Variants in TMEM120A observed in about 807,000 individuals in gnomAD.
The protein encoded by TMEM120A is ion channel TACAN.
Under a neutral mutation model 54.3 loss-of-function variants are expected in TMEM120A, and 45 were observed. That is an observed-to-expected ratio of 0.83 (90% CI 0.65 to 1.06). The LOEUF is 1.06. Ranked by LOEUF, TMEM120A falls within the 50% of genes least tolerant of loss-of-function variation. TMEM120A has a pLI of 0.00. For synonymous variants in TMEM120A, 204 were observed against 178.5 expected (o/e 1.14, Z -1.14); for missense variants, 424 against 441.7 (o/e 0.96, Z 0.36).
In TMEM120A at chr7:75,989,242, G is replaced by T; in HGVS notation, c.318-18C>A. ...GGTACAATCTAGGGAAGGGGGTGGC[G>T]GGGTGAGGAGAAGCCCGAGTGACAG... On this transcript the variant is annotated intron_variant, in intron 3 of 11. Coordinates refer to ENST00000493111, the MANE Select transcript of TMEM120A (RefSeq NM_031925.3). 1 of 1,540,446 alleles carries T rather than the reference G, an allele frequency of 6.5e-7. No homozygotes were observed. Among genetic ancestry groups the T allele is most frequent in the South Asian group, 1.2e-5 (1 of 84,374 alleles).
chr7:75,990,824 C>T (rs987967106), intron 3 of TMEM120A, among the ~76,000 whole-genome samples: 2 of 146,818 alleles, frequency 1.4e-5, no homozygotes, highest in African/African-American at 2.5e-5. Context: ...GCTTGAACCA[C>T]GGAGACAGAG....
rs2116645256 is a variant in TMEM120A, at chr7:75,987,068, T to C, written c.*104A>G. 2.0e-6 allele frequency: 2 copies of C among 976,290 alleles called. No individual in the cohort carries two copies. The highest frequency in any genetic ancestry group is 1.6e-6 in the Non-Finnish European group (1 of 640,390). 60.5% of individuals were successfully genotyped at this position (976,290 alleles called of 1,614,324 possible). A position where few individuals can be genotyped will look rare whatever the true frequency, so the allele number is the denominator to read the frequency against. ...AGCGCCCATAAAACCCAAGGGAGAA[T>C]AGAAGAGACCCCCTGATACACGCAC... On this transcript the variant is annotated 3_prime_UTR_variant, in exon 12 of 12. Coordinates refer to ENST00000493111, the MANE Select transcript of TMEM120A (RefSeq NM_031925.3).
In TMEM120A at chr7:75,988,523, G is replaced by A. The variant is rs1554560809; in HGVS notation, c.378-7C>T. ...CTCGTCCTTGTAGGCAAACCTGGGG[G>A]GCGCAGGCCGGTGAGACGGGTGGGG... is the stretch of plus-strand genomic sequence containing the variant. On this transcript the variant is annotated splice_polypyrimidine_tract_variant and splice_region_variant and intron_variant, in intron 4 of 11. Transcript: ENST00000493111. 4.4e-6 allele frequency: 7 copies of A among 1,600,396 alleles called. No individual in the cohort carries two copies. The highest frequency in any genetic ancestry group is 4.5e-5 in the East Asian group (2 of 44,394).
At chr7:75,994,216 G>A (rs547478475) in intron 1 of TMEM120A, among the ~76,000 whole-genome samples, 1 of 152,346 alleles carries the variant, frequency 6.6e-6, no homozygotes, top group South Asian at 2.1e-4. Flanking sequence ...GCTCTCTTCT[G>A]GGAAGGGACG....
intron 3 of TMEM120A, among the ~76,000 whole-genome samples, chr7:75,991,212 T>G (rs775391257): frequency 1.3e-5 from 2 of 152,018 alleles, no homozygotes; most frequent in Non-Finnish European, 2.9e-5. Context: ...TGCTGGCCTT[T>G]CCAGGTGCAC....
Position 75,991,560 on chromosome 7 carries a change from A to G in TMEM120A, c.317+584T>C, listed in dbSNP as rs566243292. On this transcript the variant is annotated intron_variant, in intron 3 of 11. Coordinates refer to ENST00000493111, the MANE Select transcript of TMEM120A (RefSeq NM_031925.3). ...AGCTGGGATTACAGGTGCATGCCACAATGCCCGGCTAATTTTTGTATTTTT... is the reference window on the plus strand; with the variant it reads ...AGCTGGGATTACAGGTGCATGCCACGATGCCCGGCTAATTTTTGTATTTTT... 3.3e-5 allele frequency among the ~76,000 whole-genome samples: 5 copies of G among 152,074 alleles called. No homozygotes were observed. In the South Asian group the frequency reaches 1.0e-3, roughly 32 times the overall value.
chr7:75,991,901 C>T (rs368634755), intron 3 of TMEM120A, among the ~76,000 whole-genome samples: 3 of 152,162 alleles, frequency 2.0e-5, no homozygotes, highest in African/African-American at 7.2e-5. Context: ...AAGCCTTCTG[C>T]GACCTCCTGG....
chr7:75,992,446 G>A lies in TMEM120A; in HGVS notation c.193C>T (p.Leu65=). The A allele has an allele frequency of 6.3e-7, 1 of 1,593,030 alleles. No homozygotes were observed. The highest frequency in any genetic ancestry group is 1.8e-5 in the Admixed American group (1 of 56,356). The change falls in exon 2 of 12, where the codon CTG becomes TTG. Residue 65 remains leucine, a synonymous_variant. Transcript: ENST00000493111. Reference sequence around the variant, plus strand: ...GGGGTAGGGGATCCTAACTTCTTCAGGGCGAGGGCCAGCTCCTGGAGCCGC... The same window carrying A: ...GGGGTAGGGGATCCTAACTTCTTCAAGGCGAGGGCCAGCTCCTGGAGCCGC... ...KKRLQELALA[L]KKCKPSLPAE...
chr7:75,988,364 G>A, intron 5 of TMEM120A, 23 bp from the exon 6 acceptor site: 1 of 1,512,032 alleles, frequency 6.6e-7, no homozygotes, highest in Non-Finnish European at 9.0e-7. Context: ...GGGACCGAGG[G>A]TTGGTACTGC....
At chr7:75,993,251 C>A (rs1789918501) in intron 1 of TMEM120A, among the ~76,000 whole-genome samples, 2 of 152,224 alleles carry the variant, frequency 1.3e-5, no homozygotes, top group African/African-American at 2.4e-5. Context: ...CCTCTCAGCT[C>A]CTCCTGCCTA....
At chr7:75,994,097 C>T (rs979442678) in intron 1 of TMEM120A, among the ~76,000 whole-genome samples, 9 of 152,142 alleles carry the variant, frequency 5.9e-5, no homozygotes, top group Admixed American at 1.3e-4. Flanking sequence ...GAGGACACCC[C>T]CCTAAACGCT....
intron 3 of TMEM120A, among the ~76,000 whole-genome samples, chr7:75,989,737 C>T (rs896405600): frequency 6.6e-6 from 1 of 152,070 alleles, no homozygotes; most frequent in African/African-American, 2.4e-5. Context: ...CTCAGCCTCC[C>T]GGGGCGTTTC....
chr7:75,993,555 G>A (rs1390416418), intron 1 of TMEM120A, among the ~76,000 whole-genome samples: 1 of 152,244 alleles, frequency 6.6e-6, no homozygotes, highest in Non-Finnish European at 1.5e-5. Flanking sequence ...AGTCTCTGGG[G>A]AGAAGCACCA....
Position 75,987,409 on chromosome 7 carries a change from G to A in TMEM120A, c.869C>T (p.Ala290Val), listed in dbSNP as rs368599599. 6.6e-5 allele frequency: 103 copies of A among 1,563,382 alleles called. No individual in the cohort carries two copies. Among genetic ancestry groups the A allele is most frequent in the Non-Finnish European group, 8.1e-5 (93 of 1,154,118 alleles). The change falls in exon 11 of 12, where the codon GCG becomes GTG. Residue 290 changes from alanine (A) to valine (V), a missense_variant. Coordinates refer to ENST00000493111, the MANE Select transcript of TMEM120A (RefSeq NM_031925.3). ...CTGGGCCAGGTTGAACAACGTCAGC[G>A]CGTTAAAAAGCTGCCAGAACTAAGC... ...FFGHFWQLFN[A>V]LTLFNLAQDP...
chr7:75,987,644 A>G, intron 9 of TMEM120A, 42 bp from the exon 10 acceptor site: 5 of 1,604,660 alleles, frequency 3.1e-6, no homozygotes, highest in Non-Finnish European at 4.3e-6. Context: ...CCAGGGACAG[A>G]GGGGACGCTA....
At chr7:75,991,579 T>A (rs1365716470) in intron 3 of TMEM120A, among the ~76,000 whole-genome samples, 4 of 152,090 alleles carry the variant, frequency 2.6e-5, no homozygotes, top group Non-Finnish European at 4.4e-5. Context: ...CTAATTTTTG[T>A]ATTTTTAGTA....
intron 3 of TMEM120A, among the ~76,000 whole-genome samples, chr7:75,991,496 C>T (rs1176023300): frequency 1.3e-5 from 2 of 152,172 alleles, no homozygotes; most frequent in African/African-American, 4.8e-5. Flanking sequence ...GCCTCCGCCT[C>T]CCGGGTTCAA....
chr7:75,989,389 A>G (rs1297834844), intron 3 of TMEM120A, among the ~76,000 whole-genome samples, 165 bp from the exon 4 acceptor site: 2 of 148,082 alleles, frequency 1.4e-5, no homozygotes, highest in African/African-American at 5.0e-5. Context: ...CTGCAGACCC[A>G]CTCCCTGCCA....
intron 3 of TMEM120A, among the ~76,000 whole-genome samples, chr7:75,989,457 C>A (rs1470565131): frequency 6.8e-6 from 1 of 147,582 alleles, no homozygotes; most frequent in Non-Finnish European, 1.5e-5. Flanking sequence ...AAACAGTGTT[C>A]CCCCCCATCT....
Sources: gnomAD v4.1 joint callset for allele counts (sites outside exome capture counted in the v4.1 genomes callset) on GRCh38, gnomAD v4.1.1 for gene constraint, MANE v1.5 for transcripts, NCBI Gene and HGNC (gene_info 2026-07-23, HGNC 2026-07-21) for gene names.